GPC6: variants seen among roughly 807,000 people sequenced by gnomAD.
GPC6 encodes glypican-6.
In GPC6, 14 loss-of-function variants were observed where a neutral mutation model predicts 55.2. The observed-to-expected ratio is 0.25, with a 90% CI of 0.17 to 0.40. The LOEUF is 0.40. GPC6 is among the 10% of genes least tolerant of loss of function. The probability of loss-of-function intolerance (pLI) is 1.00; values close to 1 mark genes in which losing one functional copy is unlikely to be tolerated. For missense variants in GPC6, 641 were observed against 708.5 expected (o/e 0.90, Z 1.08); for synonymous variants, 278 against 259.6 (o/e 1.07, Z -0.68).
chr13:94,260,163 T>C (rs1457631173), intron 4 of GPC6, among the ~76,000 whole-genome samples: 3 of 152,202 alleles, frequency 2.0e-5, no homozygotes, highest in African/African-American at 7.2e-5. Flanking sequence ...GCTTCAGAAG[T>C]GACACCTGCT....
At chr13:93,816,514 C>T (rs1886853401) in intron 2 of GPC6, among the ~76,000 whole-genome samples, 1 of 151,412 alleles carries the variant, frequency 6.6e-6, no homozygotes, top group Non-Finnish European at 1.5e-5. Context: ...TTACCTTCTG[C>T]CCTCTTTATG....
intron 1 of GPC6, among the ~76,000 whole-genome samples, chr13:93,332,852 A>G (rs1018574799): frequency 1.6e-4 from 25 of 152,180 alleles, no homozygotes; most frequent in African/African-American, 5.5e-4. Flanking sequence ...TGAAGTATTT[A>G]TTTAATTCAT....
chr13:93,245,913 A>T (rs1876588551), intron 1 of GPC6, among the ~76,000 whole-genome samples: 1 of 152,212 alleles, frequency 6.6e-6, no homozygotes, highest in Admixed American at 6.5e-5. Context: ...TCTTCTTCCT[A>T]AGTAGAATGG....
chr13:93,302,267 A>G (rs2139095562), intron 1 of GPC6, among the ~76,000 whole-genome samples: 1 of 152,258 alleles, frequency 6.6e-6, no homozygotes, highest in Non-Finnish European at 1.5e-5. Flanking sequence ...GCCCTCTGTC[A>G]TTTTGATGGT....
intron 6 of GPC6, among the ~76,000 whole-genome samples, chr13:94,318,829 A>G (rs758370857): frequency 2.0e-5 from 3 of 152,174 alleles, no homozygotes; most frequent in Non-Finnish European, 4.4e-5. Flanking sequence ...TTATCAGTAT[A>G]TATAGTGATT....
chr13:93,694,754 G>A (rs1394542479), intron 2 of GPC6, among the ~76,000 whole-genome samples: 2 of 152,156 alleles, frequency 1.3e-5, no homozygotes, highest in Non-Finnish European at 2.9e-5. Context: ...GGCAAACACT[G>A]AAGATGACAT....
rs80133047 is a variant in GPC6 at position 93,598,195 on chromosome 13, T to C, written c.319+52774T>C. Among the ~76,000 whole-genome samples, 1,514 of 152,250 alleles carry C rather than the reference T, an allele frequency of 9.9e-3. 29 individuals are homozygous for C. The highest frequency in any genetic ancestry group is 0.035 in the African/African-American group (1,435 of 41,546). On this transcript the variant is annotated intron_variant, in intron 2 of 8. Coordinates refer to ENST00000377047, the MANE Select transcript of GPC6 (RefSeq NM_005708.5). ...AAAGTTATATGTGGATTTTTTACTG[T>C]GTAAGTGGTTGGCATCTCTAACCCC...
intron 1 of GPC6, among the ~76,000 whole-genome samples, chr13:93,523,297 C>G (rs1304932665): frequency 6.9e-5 from 10 of 145,396 alleles, no homozygotes; most frequent in Non-Finnish European, 1.5e-4. Flanking sequence ...GTGTAAATAA[C>G]ATATAAGGGT....
At chr13:93,461,828 A>T (rs1420737136) in intron 1 of GPC6, among the ~76,000 whole-genome samples, 1 of 152,158 alleles carries the variant, frequency 6.6e-6, no homozygotes, top group Admixed American at 6.5e-5. Flanking sequence ...TGCCTTTTTA[A>T]AAATCTCTTC....
chr13:94,071,995 C>A (rs1451179202), intron 4 of GPC6, among the ~76,000 whole-genome samples: 13 of 152,188 alleles, frequency 8.5e-5, no homozygotes, highest in Non-Finnish European at 2.9e-5. Flanking sequence ...CAGCATCAAG[C>A]ACAACTAATG....
At chr13:93,518,918 G>A (rs1047048913) in intron 1 of GPC6, among the ~76,000 whole-genome samples, 8 of 151,868 alleles carry the variant, frequency 5.3e-5, no homozygotes, top group Middle Eastern at 3.2e-3. Flanking sequence ...TCAGTAGGCC[G>A]TACCTAGTTT....
chr13:93,754,481 C>A (rs542250936), intron 2 of GPC6, among the ~76,000 whole-genome samples: 1 of 152,056 alleles, frequency 6.6e-6, no homozygotes, highest in Non-Finnish European at 1.5e-5. Context: ...AATAATTAAT[C>A]GCTTATTCCC....
At chr13:93,494,777 T>A (rs146994082) in intron 1 of GPC6, among the ~76,000 whole-genome samples, 28,500 of 149,332 alleles carry the variant, frequency 0.19, 2,891 homozygotes, top group Middle Eastern at 0.26. Context: ...TCTCCTTCAC[T>A]TATGAAGCTT....
At chr13:94,109,695 A>G (rs1011949001) in intron 4 of GPC6, among the ~76,000 whole-genome samples, 1 of 152,180 alleles carries the variant, frequency 6.6e-6, no homozygotes, top group South Asian at 2.1e-4. Context: ...TGTGTGTATT[A>G]TGGACAAAAA....
At chr13:94,252,938 G>T (rs1053950599) in intron 4 of GPC6, among the ~76,000 whole-genome samples, 3 of 142,084 alleles carry the variant, frequency 2.1e-5, no homozygotes, top group Non-Finnish European at 4.5e-5. Context: ...GGCTGATAAA[G>T]GGACATCCAG....
At chr13:94,227,375 C>G (rs981305712) in intron 4 of GPC6, among the ~76,000 whole-genome samples, 2 of 152,174 alleles carry the variant, frequency 1.3e-5, no homozygotes, top group Non-Finnish European at 2.9e-5. Flanking sequence ...ACCAGATACA[C>G]TATTGTCTCT....
chr13:93,509,294 G>T (rs186395542), intron 1 of GPC6, among the ~76,000 whole-genome samples: 1 of 152,308 alleles, frequency 6.6e-6, no homozygotes, highest in East Asian at 1.9e-4. Flanking sequence ...TTTCCAAAAT[G>T]AATTACATTC....
intron 1 of GPC6, among the ~76,000 whole-genome samples, chr13:93,453,413 A>C (rs10508005): frequency 0.22 from 32,745 of 151,780 alleles, 3,660 homozygotes; most frequent in Middle Eastern, 0.29. Flanking sequence ...AGTGCTTACC[A>C]TGTACTGTGC....
At chr13:93,881,302 T>G (rs1874959648) in intron 3 of GPC6, among the ~76,000 whole-genome samples, 1 of 152,080 alleles carries the variant, frequency 6.6e-6, no homozygotes, top group Non-Finnish European at 1.5e-5. Context: ...GTGATAGGTG[T>G]TTGCAATTAA....
Sources: allele counts gnomAD v4.1 joint callset (sites outside exome capture counted in the v4.1 genomes callset), GRCh38; gene constraint gnomAD v4.1.1; transcripts MANE v1.5; gene names NCBI Gene and HGNC (gene_info 2026-07-23, HGNC 2026-07-21).